Variants in CNTN6 observed in about 807,000 individuals in gnomAD.
CNTN6 encodes the protein contactin-6.
A neutral mutation model predicts 122.8 loss-of-function variants in CNTN6; 137 were observed. The observed-to-expected ratio is 1.12, with a 90% CI of 0.97 to 1.29. The LOEUF is 1.29. Among genes scored for constraint, CNTN6 ranks in the 50% most tolerant of loss-of-function variants. The probability of loss-of-function intolerance (pLI) is 0.00; values close to 1 mark genes in which losing one functional copy is unlikely to be tolerated. For missense variants in CNTN6, 1,634 were observed against 1,223.4 expected (o/e 1.34, Z -5.01); for synonymous variants, 570 against 426.0 (o/e 1.34, Z -4.16).
At chr3:1,262,770 G>C (rs923679222) in intron 4 of CNTN6, among the ~76,000 whole-genome samples, 14 of 151,760 alleles carry the variant, frequency 9.2e-5, no homozygotes, top group African/African-American at 3.1e-4. Flanking sequence ...AACATTTCTG[G>C]GATTTAGCAT....
At position 1,404,184 on chromosome 3, in the gene CNTN6, CTTA is replaced by C. The variant is rs1696053797; in HGVS notation, c.*769_*771del. The C allele has an allele frequency of 6.6e-6, 1 of 152,062 alleles. No homozygotes were observed. The highest frequency in any genetic ancestry group is 2.4e-5 in the African/African-American group (1 of 41,428). 9.4% of individuals were successfully genotyped at this position (152,062 alleles called of 1,614,324 possible). A position where few individuals can be genotyped will look rare whatever the true frequency, so the allele number is the denominator to read the frequency against. On this transcript the variant is annotated 3_prime_UTR_variant, in exon 23 of 23. Transcript: ENST00000446702. ...ACAAGTTGATTGCAATGTATGTGGC[CTTA>C]TTTTTATAATAAAACAATGTGGAAA...
At chr3:1,391,903 A>C (rs1165432631) in intron 20 of CNTN6, among the ~76,000 whole-genome samples, 4 of 152,200 alleles carry the variant, frequency 2.6e-5, no homozygotes, top group Middle Eastern at 3.2e-3. Context: ...ATGAGATAAA[A>C]GAGGATACAA....
At chr3:1,277,484 T>C (rs569081653) in intron 4 of CNTN6, among the ~76,000 whole-genome samples, 1 of 149,710 alleles carries the variant, frequency 6.7e-6, no homozygotes. Context: ...CTCAGCCTCC[T>C]GACATAGCTG....
intron 12 of CNTN6, among the ~76,000 whole-genome samples, chr3:1,367,931 T>A (rs1397487050): frequency 6.6e-6 from 1 of 152,200 alleles, no homozygotes; most frequent in Non-Finnish European, 1.5e-5. Flanking sequence ...AGGCTGTCTC[T>A]GTGGGATTTG....
At chr3:1,190,291 C>T (rs1476554744) in intron 2 of CNTN6, among the ~76,000 whole-genome samples, 2 of 152,178 alleles carry the variant, frequency 1.3e-5, no homozygotes, top group African/African-American at 2.4e-5. Context: ...AAAGTCCCCA[C>T]CTCCAAATAC....
chr3:1,212,479 G>GTGTGTGTATATATATACA (rs200488724), intron 2 of CNTN6, among the ~76,000 whole-genome samples: 1 of 149,982 alleles, frequency 6.7e-6, no homozygotes, highest in Admixed American at 6.7e-5. Flanking sequence ...ACACATACAT[G>GTGTGTGTATATATATACA]TGTGTGTATA....
chr3:1,235,660 GC>G (rs1487965221), intron 4 of CNTN6, among the ~76,000 whole-genome samples: 3 of 152,104 alleles, frequency 2.0e-5, no homozygotes, highest in African/African-American at 7.2e-5. Context: ...ATCATACTTT[GC>G]CCCAGAAACT....
At chr3:1,135,895 G>A (rs188998208) in intron 1 of CNTN6, among the ~76,000 whole-genome samples, 105 of 152,220 alleles carry the variant, frequency 6.9e-4, no homozygotes, top group African/African-American at 2.3e-3. Context: ...GGGAGGCTAA[G>A]GCAGGAAAAT....
intron 2 of CNTN6, among the ~76,000 whole-genome samples, chr3:1,182,985 T>G (rs1409357082): frequency 6.6e-6 from 1 of 152,142 alleles, no homozygotes; most frequent in African/African-American, 2.4e-5. Flanking sequence ...TTAAAAAAAT[T>G]TAACTGTATT....
chr3:1,245,274 TACACACAC>T lies in CNTN6; in HGVS notation c.358+17283_358+17290del, dbSNP rs1225069971. 2.8e-3 allele frequency among the ~76,000 whole-genome samples: 11 copies of T among 3,998 alleles called. 1 individual carries two copies. Among genetic ancestry groups the T allele is most frequent in the African/African-American group, 9.7e-3 (8 of 828 alleles). 2.6% of individuals were successfully genotyped at this position (3,998 alleles called of 152,430 possible). On this transcript the variant is annotated intron_variant, in intron 4 of 22. Coordinates refer to ENST00000446702, the MANE Select transcript of CNTN6 (RefSeq NM_001289080.2). ...TATATATAACATATATATATATATA[TACACACAC>T]ATATATATATAACATATATATATAT...
At chr3:1,154,534 C>T (rs1489555738) in intron 2 of CNTN6, among the ~76,000 whole-genome samples, 1 of 151,460 alleles carries the variant, frequency 6.6e-6, no homozygotes, top group African/African-American at 2.4e-5. Flanking sequence ...ACCTCTGCCT[C>T]CCAGGTTCAA....
intron 2 of CNTN6, 43 bp from the exon 3 acceptor site, chr3:1,220,644 G>A (rs752329355): frequency 2.9e-5 from 45 of 1,555,166 alleles, no homozygotes; most frequent in Non-Finnish European, 3.8e-5. Context: ...ATTCAAAACA[G>A]GGCCACTTTT....
At chr3:1,280,202 G>T (rs1490636052) in intron 5 of CNTN6, among the ~76,000 whole-genome samples, 3 of 152,024 alleles carry the variant, frequency 2.0e-5, no homozygotes, top group African/African-American at 7.2e-5. Flanking sequence ...ATTTGTAAAT[G>T]AATCAGTTCC....
At chr3:1,233,087 C>A (rs570903562) in intron 4 of CNTN6, among the ~76,000 whole-genome samples, 1 of 152,172 alleles carries the variant, frequency 6.6e-6, no homozygotes, top group Non-Finnish European at 1.5e-5. Context: ...CCTTTATATC[C>A]GGGCCTAATC....
chr3:1,182,868 A>G (rs1286795570), intron 2 of CNTN6, among the ~76,000 whole-genome samples: 2 of 152,098 alleles, frequency 1.3e-5, no homozygotes, highest in African/African-American at 2.4e-5. Context: ...GAAAAAAGTC[A>G]TCCTAGAGAG....
At chr3:1,106,259 C>A (rs531596092) in intron 1 of CNTN6, among the ~76,000 whole-genome samples, 1 of 151,996 alleles carries the variant, frequency 6.6e-6, no homozygotes, top group South Asian at 2.1e-4. Context: ...CTTCAAAAAC[C>A]CTCCCCAAAT....
intron 2 of CNTN6, among the ~76,000 whole-genome samples, chr3:1,214,856 A>C (rs1337446619): frequency 6.6e-6 from 1 of 152,138 alleles, no homozygotes; most frequent in Non-Finnish European, 1.5e-5. Flanking sequence ...CCCTGGGCTC[A>C]AGTGATTCTC....
chr3:1,129,960 C>A (rs1472025), intron 1 of CNTN6, among the ~76,000 whole-genome samples: 37,854 of 151,944 alleles, frequency 0.25, 5,896 homozygotes, highest in African/African-American at 0.44. Context: ...CATACATATA[C>A]AGGTAAATCT....
intron 2 of CNTN6, among the ~76,000 whole-genome samples, chr3:1,185,671 T>C (rs943338032): frequency 1.3e-5 from 2 of 152,228 alleles, no homozygotes; most frequent in Non-Finnish European, 2.9e-5. Context: ...TTAGAAAAGC[T>C]ACATGTAGCA....
Sources: gnomAD v4.1 joint callset for allele counts (sites outside exome capture counted in the v4.1 genomes callset) on GRCh38, gnomAD v4.1.1 for gene constraint, MANE v1.5 for transcripts, NCBI Gene and HGNC (gene_info 2026-07-23, HGNC 2026-07-21) for gene names.